KCNQ5: variants seen among roughly 807,000 people sequenced by gnomAD.
KCNQ5 encodes the protein potassium voltage-gated channel subfamily KQT member 5.
Under a neutral mutation model 98.2 loss-of-function variants are expected in KCNQ5, and 30 were observed. The observed-to-expected ratio is 0.31, with a 90% CI of 0.23 to 0.41. The LOEUF (loss-of-function observed/expected upper bound fraction) is 0.41. Among genes scored for constraint, KCNQ5 ranks in the 10% least tolerant of loss-of-function variants. The pLI is 1.00. For synonymous variants in KCNQ5, 458 were observed against 449.4 expected (o/e 1.02, Z -0.24); for missense variants, 835 against 1,182.5 (o/e 0.71, Z 4.31).
intron 1 of KCNQ5, among the ~76,000 whole-genome samples, chr6:72,754,335 C>T (rs1771846613): frequency 6.6e-6 from 1 of 152,064 alleles, no homozygotes; most frequent in Admixed American, 6.6e-5. Flanking sequence ...CCCAAACTTG[C>T]ATTTCTGGGA....
chr6:72,787,539 T>TA (rs11454848), intron 1 of KCNQ5, among the ~76,000 whole-genome samples: 7,073 of 146,242 alleles, frequency 0.048, 319 homozygotes, highest in African/African-American at 0.12. Context: ...TATCAGTATT[T>TA]AAAAAAAAAA....
At chr6:72,793,379 C>T (rs1358287491) in intron 1 of KCNQ5, among the ~76,000 whole-genome samples, 1 of 152,132 alleles carries the variant, frequency 6.6e-6, no homozygotes, top group African/African-American at 2.4e-5. Context: ...GCCAATAAAA[C>T]ATGCCCATAT....
intron 1 of KCNQ5, among the ~76,000 whole-genome samples, chr6:72,633,910 A>C (rs775799356): frequency 9.9e-5 from 15 of 152,224 alleles, no homozygotes; most frequent in Admixed American, 9.8e-4. Flanking sequence ...ATTTAAATAT[A>C]AGACCTCAAA....
chr6:73,060,531 A>G (rs959391062), intron 3 of KCNQ5, among the ~76,000 whole-genome samples: 2 of 152,166 alleles, frequency 1.3e-5, no homozygotes, highest in Non-Finnish European at 2.9e-5. Flanking sequence ...CTAAAAATAC[A>G]AAAGTCATAG....
chr6:72,994,614 C>A (rs992634939), intron 1 of KCNQ5, among the ~76,000 whole-genome samples: 2 of 151,400 alleles, frequency 1.3e-5, no homozygotes, highest in Non-Finnish European at 2.9e-5. Context: ...AGAAATCACC[C>A]GTCTTCTGCG....
At position 73,004,010 on chromosome 6, in the gene KCNQ5, A is replaced by G; in HGVS notation, c.489+12A>G. 1 of 1,485,258 alleles carries G rather than the reference A, an allele frequency of 6.7e-7. No individual in the cohort carries two copies. The highest frequency in any genetic ancestry group is 9.4e-7 in the Non-Finnish European group (1 of 1,063,190). The allele number at this position is 1,485,258 out of a possible 1,614,324, so 92.0% of individuals were successfully genotyped here. ...GCCTCTTGATCCTGGTAAGTGAAAC[A>G]TGAACAAGAACGTACATGAATGTTG... On this transcript the variant is annotated intron_variant, in intron 2 of 13. Coordinates refer to ENST00000370398, the MANE Select transcript of KCNQ5 (RefSeq NM_019842.4).
chr6:72,744,179 AAG>A (rs1357448925), intron 1 of KCNQ5, among the ~76,000 whole-genome samples: 1 of 152,188 alleles, frequency 6.6e-6, no homozygotes, highest in African/African-American at 2.4e-5. Flanking sequence ...GTAGGTGGGG[AAG>A]TGCATTTCTA....
chr6:72,881,323 A>G (rs1778627757), intron 1 of KCNQ5, among the ~76,000 whole-genome samples: 1 of 152,196 alleles, frequency 6.6e-6, no homozygotes, highest in African/African-American at 2.4e-5. Flanking sequence ...CTTTAGCTCT[A>G]TGAAGAACAG....
intron 1 of KCNQ5, among the ~76,000 whole-genome samples, chr6:72,842,713 G>A (rs568467603): frequency 4.2e-4 from 64 of 152,188 alleles, no homozygotes; most frequent in Middle Eastern, 3.4e-3. Context: ...TTGCAGTTTT[G>A]ATTTGCATTT....
chr6:73,153,570 G>T (rs936814892), intron 10 of KCNQ5, among the ~76,000 whole-genome samples: 2 of 152,040 alleles, frequency 1.3e-5, no homozygotes, highest in Non-Finnish European at 2.9e-5. Context: ...TCAGTCAAAG[G>T]CTAGTCATAT....
At chr6:72,878,465 G>A (rs1778510120) in intron 1 of KCNQ5, among the ~76,000 whole-genome samples, 1 of 152,064 alleles carries the variant, frequency 6.6e-6, no homozygotes. Flanking sequence ...ATCTTTGAAA[G>A]CATTCTCACT....
chr6:73,108,644 G>T (rs192698570), intron 6 of KCNQ5, among the ~76,000 whole-genome samples: 10 of 152,216 alleles, frequency 6.6e-5, no homozygotes, highest in Non-Finnish European at 1.5e-4. Flanking sequence ...GCCTAACATG[G>T]TGAAACCATA....
intron 13 of KCNQ5, among the ~76,000 whole-genome samples, chr6:73,194,220 A>T (rs1422321611): frequency 6.6e-6 from 1 of 152,164 alleles, no homozygotes; most frequent in Non-Finnish European, 1.5e-5. Context: ...TGGGGGAGAG[A>T]TGCTAATAAA....
At chr6:72,708,111 C>G (rs930228792) in intron 1 of KCNQ5, among the ~76,000 whole-genome samples, 10 of 152,184 alleles carry the variant, frequency 6.6e-5, no homozygotes, top group African/African-American at 1.9e-4. Context: ...ACTCTTAGAT[C>G]TGTACTTCTG....
intron 1 of KCNQ5, among the ~76,000 whole-genome samples, chr6:72,739,767 C>G (rs1376488391): frequency 6.6e-6 from 1 of 152,250 alleles, no homozygotes; most frequent in Middle Eastern, 3.4e-3. Context: ...ACTGACTATT[C>G]GATAGTCCCA....
chr6:72,756,886 T>C (rs148415884), intron 1 of KCNQ5, among the ~76,000 whole-genome samples: 1 of 152,216 alleles, frequency 6.6e-6, no homozygotes, highest in East Asian at 1.9e-4. Context: ...TTAAAAACAA[T>C]CATCTTTAAT....
intron 3 of KCNQ5, among the ~76,000 whole-genome samples, 196 bp from the exon 4 acceptor site, chr6:73,077,126 G>A (rs376922069): frequency 2.0e-5 from 3 of 152,266 alleles, no homozygotes; most frequent in South Asian, 4.1e-4. Context: ...GCAATAGGTA[G>A]GTCCCATTCT....
At position 72,979,025 on chromosome 6, in the gene KCNQ5, G is replaced by A. The variant is rs565694650; in HGVS notation, c.399-24883G>A. On this transcript the variant is annotated intron_variant, in intron 1 of 13. Transcript: ENST00000370398. The stretch of plus-strand genomic sequence containing the variant: ...TATGAACTCAACCTTTTTTATGGCA[G>A]CATAGTATTCCATGGTGTATATGTG... 1.5e-4 allele frequency among the ~76,000 whole-genome samples: 23 copies of A among 152,322 alleles called. No homozygotes were observed. The South Asian group carries it at 3.5e-3, about 23-fold the overall frequency.
At chr6:72,877,882 C>T (rs1388307447) in intron 1 of KCNQ5, among the ~76,000 whole-genome samples, 2 of 152,222 alleles carry the variant, frequency 1.3e-5, no homozygotes, top group Non-Finnish European at 2.9e-5. Flanking sequence ...CCACAGACTC[C>T]TTGAATTTTT....
Sources: allele counts gnomAD v4.1 joint callset (sites outside exome capture counted in the v4.1 genomes callset), GRCh38; gene constraint gnomAD v4.1.1; transcripts MANE v1.5; gene names NCBI Gene and HGNC (gene_info 2026-07-23, HGNC 2026-07-21).